The following CORIN variants were observed in gnomAD, a reference collection of about 807,000 sequenced individuals.
CORIN encodes the protein atrial natriuretic peptide-converting enzyme.
Under a neutral mutation model 125.3 loss-of-function variants are expected in CORIN, and 117 were observed. The ratio of observed to expected loss-of-function variants is 0.93; its 90% confidence interval spans 0.80 to 1.09. The LOEUF (loss-of-function observed/expected upper bound fraction) is 1.09, where lower values mean the gene tolerates loss of function less well. Ranked by LOEUF, CORIN falls within the 50% of genes least tolerant of loss-of-function variation. The pLI is 0.00. For synonymous variants in CORIN, 450 were observed against 466.4 expected (o/e 0.96, Z 0.45); for missense variants, 1,253 against 1,306.7 (o/e 0.96, Z 0.63).
At chr4:47,755,715 C>T (rs756551397) in intron 4 of CORIN, among the ~76,000 whole-genome samples, 24 of 152,040 alleles carry the variant, frequency 1.6e-4, no homozygotes, top group Admixed American at 7.2e-4. Flanking sequence ...AAAAGGGAAG[C>T]TCAGGAGCTT....
At chr4:47,826,300 G>A (rs1732743378) in intron 1 of CORIN, among the ~76,000 whole-genome samples, 1 of 152,190 alleles carries the variant, frequency 6.6e-6, no homozygotes, top group Non-Finnish European at 1.5e-5. Context: ...GTGAATATTT[G>A]TGTATCAGTT....
intron 15 of CORIN, 163 bp downstream of exon 15, chr4:47,642,983 G>A: frequency 6.5e-7 from 1 of 1,537,302 alleles, no homozygotes. Flanking sequence ...TTTTCTGTGA[G>A]TTGGAAATAA....
chr4:47,668,848 T>A (rs2109682158), intron 10 of CORIN, among the ~76,000 whole-genome samples: 1 of 152,350 alleles, frequency 6.6e-6, no homozygotes, highest in East Asian at 1.9e-4. Context: ...CTTTATTGAA[T>A]TCGGTAAGGT....
At chr4:47,826,852 A>G (rs1261073717) in intron 1 of CORIN, among the ~76,000 whole-genome samples, 1 of 152,192 alleles carries the variant, frequency 6.6e-6, no homozygotes, top group Non-Finnish European at 1.5e-5. Context: ...ATGTGTTGTC[A>G]TTGAGCACCT....
intron 5 of CORIN, among the ~76,000 whole-genome samples, chr4:47,716,173 T>C (rs1458544883): frequency 1.3e-5 from 2 of 152,240 alleles, no homozygotes; most frequent in African/African-American, 4.8e-5. Flanking sequence ...TGATCTATGA[T>C]TGGAATTGGG....
intron 17 of CORIN, among the ~76,000 whole-genome samples, chr4:47,624,169 T>C (rs532856696): frequency 2.0e-4 from 31 of 152,316 alleles, no homozygotes; most frequent in African/African-American, 7.0e-4. Flanking sequence ...GGCAGGAGTA[T>C]ATGGAATATA....
intron 4 of CORIN, among the ~76,000 whole-genome samples, chr4:47,761,429 T>A (rs548774816): frequency 7.9e-5 from 12 of 151,780 alleles, no homozygotes; most frequent in Non-Finnish European, 1.6e-4. Context: ...AGTCAATATA[T>A]GGAATCAACC....
chr4:47,799,816 A>G (rs1731459213), intron 2 of CORIN, among the ~76,000 whole-genome samples: 1 of 152,200 alleles, frequency 6.6e-6, no homozygotes, highest in African/African-American at 2.4e-5. Context: ...TCATAACAGG[A>G]TTATAGATAA....
chr4:47,757,265 T>C (rs1729193495), intron 4 of CORIN, among the ~76,000 whole-genome samples: 3 of 152,104 alleles, frequency 2.0e-5, no homozygotes, highest in African/African-American at 7.2e-5. Context: ...GCAAGAAGCA[T>C]TGGTCTGAAA....
Position 47,594,024 on chromosome 4 carries a change from T to TATTAAGA in CORIN, c.*1690_*1696dup, listed in dbSNP as rs1721162214. The TATTAAGA allele has an allele frequency of 6.6e-6, 1 of 151,888 alleles. No homozygotes were observed. Among genetic ancestry groups the TATTAAGA allele is most frequent in the South Asian group, 2.1e-4 (1 of 4,822 alleles). 9.4% of individuals were successfully genotyped at this position (151,888 alleles called of 1,614,324 possible). A position where few individuals can be genotyped will look rare whatever the true frequency, so the allele number is the denominator to read the frequency against. On this transcript the variant is annotated 3_prime_UTR_variant, in exon 22 of 22. Transcript: ENST00000273857. ...GATTAGACCATTACCATTTTATTTG[T>TATTAAGA]ATTAAGAATTATTTAAAATAAGTAT...
intron 19 of CORIN, among the ~76,000 whole-genome samples, chr4:47,609,086 A>G (rs2109522494): frequency 6.6e-6 from 1 of 152,314 alleles, no homozygotes; most frequent in African/African-American, 2.4e-5. Context: ...CTCCAGAAAT[A>G]GCATAGCTAA....
intron 5 of CORIN, among the ~76,000 whole-genome samples, chr4:47,701,758 G>A (rs1726302835): frequency 6.8e-6 from 1 of 147,306 alleles, no homozygotes; most frequent in South Asian, 2.2e-4. Flanking sequence ...AGAAACTGAA[G>A]GCCAAGCAGA....
chr4:47,713,870 A>G (rs1726970128), intron 5 of CORIN, among the ~76,000 whole-genome samples: 1 of 152,130 alleles, frequency 6.6e-6, no homozygotes, highest in South Asian at 2.1e-4. Flanking sequence ...ATGAACATCT[A>G]TTTAGATCAT....
At chr4:47,643,011 T>A (rs774409967) in intron 15 of CORIN, 135 bp downstream of exon 15, 3 of 1,542,372 alleles carry the variant, frequency 1.9e-6, no homozygotes, top group Non-Finnish European at 2.6e-6. Flanking sequence ...AGATCAGCAC[T>A]ATCAGCTTTT....
At chr4:47,602,981 C>T (rs1201609840) in intron 20 of CORIN, among the ~76,000 whole-genome samples, 2 of 152,086 alleles carry the variant, frequency 1.3e-5, no homozygotes, top group Non-Finnish European at 2.9e-5. Context: ...ACCTCAGCCT[C>T]CCAACTGAGG....
chr4:47,703,937 C>A (rs1419785581), intron 5 of CORIN, among the ~76,000 whole-genome samples: 1 of 152,186 alleles, frequency 6.6e-6, no homozygotes, highest in Non-Finnish European at 1.5e-5. Flanking sequence ...ATTAATACAA[C>A]AACATCTAGG....
At chr4:47,597,684 C>A (rs1011770641) in intron 21 of CORIN, among the ~76,000 whole-genome samples, 20 of 152,060 alleles carry the variant, frequency 1.3e-4, no homozygotes, top group Non-Finnish European at 2.8e-4. Context: ...AAATAAGATG[C>A]TCAGCTATTG....
intron 10 of CORIN, among the ~76,000 whole-genome samples, chr4:47,667,235 G>GT (rs1280051048): frequency 6.6e-6 from 1 of 152,174 alleles, no homozygotes; most frequent in Non-Finnish European, 1.5e-5. Flanking sequence ...ATGTGGAACT[G>GT]TAAGTCCATT....
chr4:47,704,064 C>A (rs973884740), intron 5 of CORIN, among the ~76,000 whole-genome samples: 1 of 152,124 alleles, frequency 6.6e-6, no homozygotes, highest in African/African-American at 2.4e-5. Flanking sequence ...ATGATTTACA[C>A]GCTGGTGGAA....
Sources: allele counts gnomAD v4.1 joint callset (sites outside exome capture counted in the v4.1 genomes callset), GRCh38; gene constraint gnomAD v4.1.1; transcripts MANE v1.5; gene names NCBI Gene and HGNC (gene_info 2026-07-23, HGNC 2026-07-21).